Variants in CHRM5 observed in about 807,000 individuals in gnomAD.
CHRM5 encodes the protein muscarinic acetylcholine receptor M5.
A neutral mutation model predicts 39.0 loss-of-function variants in CHRM5; 18 were observed. The ratio of observed to expected loss-of-function variants is 0.46; its 90% CI spans 0.32 to 0.68. CHRM5 has a LOEUF of 0.68. Ranked by LOEUF, CHRM5 falls within the 30% of genes least tolerant of loss-of-function variation. The probability of loss-of-function intolerance (pLI) is 0.04; values close to 1 mark genes in which losing one functional copy is unlikely to be tolerated. For missense variants in CHRM5, 515 were observed against 651.1 expected, an observed-to-expected ratio of 0.79 and a Z score of 2.28; for synonymous variants, 241 against 246.3, an observed-to-expected ratio of 0.98 and a Z score of 0.20.
At chr15:33,986,161 C>T (rs1259844380) in intron 1 of CHRM5, among the ~76,000 whole-genome samples, 3 of 151,654 alleles carry the variant, frequency 2.0e-5, no homozygotes, top group Non-Finnish European at 2.9e-5. Context: ...GGCTGGAGTG[C>T]AGTGGCGCCA....
At chr15:34,062,572 A>AAAAAC (rs1900374803) in intron 2 of CHRM5, 71 bp from the exon 3 acceptor site, 2 of 657,258 alleles carry the variant, frequency 3.0e-6, no homozygotes, top group Non-Finnish European at 4.7e-6. Flanking sequence ...AAAAAAAAAA[A>AAAAAC]AACTATAAAC....
chr15:33,989,960 T>G (rs1896647386), intron 1 of CHRM5, among the ~76,000 whole-genome samples: 3 of 150,988 alleles, frequency 2.0e-5, no homozygotes, highest in African/African-American at 7.3e-5. Context: ...TCCCAGCACT[T>G]TGGGAGGCCA....
At position 34,062,977 on chromosome 15, in the gene CHRM5, A is replaced by T; in HGVS notation, c.260A>T (p.Tyr87Phe). ...LIIGIFSMNL[Y>F]TTYILMGRWA... is the part of the protein sequence containing the mutation. ...ATTGGAATCTTCTCCATGAACCTCT[A>T]CACCACCTACATCCTCATGGGACGC... Residue 87 changes from tyrosine (Y) to phenylalanine (F), a missense_variant, in exon 3 of 3, where the codon TAC becomes TTC. Tyr to Phe is a conservative substitution (Grantham distance 22, BLOSUM62 3). Transcript: ENST00000383263. The T allele has an allele frequency of 6.2e-7, 1 of 1,613,904 alleles. No homozygotes were observed. The highest frequency in any genetic ancestry group is 8.5e-7 in the Non-Finnish European group (1 of 1,179,962).
chr15:34,061,171 G>C, intron 2 of CHRM5, among the ~76,000 whole-genome samples: 1 of 152,136 alleles, frequency 6.6e-6, no homozygotes, highest in East Asian at 1.9e-4. Context: ...TGGGGAGCTT[G>C]CAAGCTTGGA....
At chr15:34,050,827 A>T (rs535622091) in intron 2 of CHRM5, among the ~76,000 whole-genome samples, 1 of 152,334 alleles carries the variant, frequency 6.6e-6, no homozygotes, top group Non-Finnish European at 1.5e-5. Context: ...TGCACCCAAT[A>T]CAGGAGCACC....
intron 1 of CHRM5, chr15:34,007,056 G>A (rs185492454): frequency 1.2e-4 from 122 of 984,240 alleles, no homozygotes; most frequent in Middle Eastern, 5.2e-4. Context: ...CCTGGACATC[G>A]GTCACTGGTT....
At chr15:33,992,475 CTTG>C (rs1250264906) in intron 1 of CHRM5, among the ~76,000 whole-genome samples, 5 of 152,078 alleles carry the variant, frequency 3.3e-5, no homozygotes, top group African/African-American at 1.2e-4. Context: ...CGGAGTTTTC[CTTG>C]TTTTTATTTT....
chr15:34,062,666 T>G lies in CHRM5; in HGVS notation c.-52T>G. On this transcript the variant is annotated 5_prime_UTR_variant, in exon 3 of 3. Coordinates refer to ENST00000383263, the MANE Select transcript of CHRM5 (RefSeq NM_012125.4). Reference sequence around the variant, plus strand: ...AGATGCTGGCCAAGAAGAGCTGAAATAGAAAACAGCCTAGAACCTAACACT... The same window carrying G: ...AGATGCTGGCCAAGAAGAGCTGAAAGAGAAAACAGCCTAGAACCTAACACT... The G allele has an allele frequency of 6.5e-7, 1 of 1,531,564 alleles. No individual in the cohort carries two copies. The highest frequency in any genetic ancestry group is 2.0e-5 in the Admixed American group (1 of 50,450). 94.9% of individuals were successfully genotyped at this position (1,531,564 alleles called of 1,614,324 possible). A position where few individuals can be genotyped will look rare whatever the true frequency, so the allele number is the denominator to read the frequency against.
At chr15:34,044,286 G>A (rs1899601446) in intron 1 of CHRM5, among the ~76,000 whole-genome samples, 1 of 152,068 alleles carries the variant, frequency 6.6e-6, no homozygotes, top group Admixed American at 6.6e-5. Flanking sequence ...AACTTAGCAA[G>A]TTTCACTGTG....
At chr15:33,984,556 T>C (rs959505869) in intron 1 of CHRM5, among the ~76,000 whole-genome samples, 1 of 152,054 alleles carries the variant, frequency 6.6e-6, no homozygotes, top group Non-Finnish European at 1.5e-5. Flanking sequence ...GCATGCTCCA[T>C]CACACCCGGC....
chr15:34,050,546 C>A (rs2140825455), intron 2 of CHRM5, among the ~76,000 whole-genome samples: 1 of 152,234 alleles, frequency 6.6e-6, no homozygotes, highest in Middle Eastern at 3.4e-3. Context: ...AATTAAAAGA[C>A]ACAGAATGAC....
intron 2 of CHRM5, among the ~76,000 whole-genome samples, chr15:34,057,376 G>A (rs1237348621): frequency 1.3e-5 from 2 of 150,718 alleles, no homozygotes; most frequent in South Asian, 2.1e-4. Context: ...TCTCTTTACC[G>A]CATGATCCAC....
At chr15:34,057,802 A>C (rs981465873) in intron 2 of CHRM5, among the ~76,000 whole-genome samples, 3 of 152,212 alleles carry the variant, frequency 2.0e-5, no homozygotes, top group Admixed American at 6.5e-5. Flanking sequence ...TTTCTAATAA[A>C]TTAATTAATG....
intron 2 of CHRM5, among the ~76,000 whole-genome samples, chr15:34,054,233 G>A (rs1900046212): frequency 1.3e-5 from 2 of 152,180 alleles, no homozygotes; most frequent in South Asian, 4.1e-4. Context: ...GCTGGTGGGA[G>A]TGTAAATTAG....
chr15:34,003,003 A>C (rs1897196797), intron 1 of CHRM5: 2 of 1,584,084 alleles, frequency 1.3e-6, no homozygotes, highest in Non-Finnish European at 1.7e-6. Flanking sequence ...CAGAGCACTA[A>C]ACAGTATGCA....
At chr15:33,985,745 T>C (rs1896415758) in intron 1 of CHRM5, among the ~76,000 whole-genome samples, 1 of 152,152 alleles carries the variant, frequency 6.6e-6, no homozygotes, top group African/African-American at 2.4e-5. Flanking sequence ...ATCTTGAGTT[T>C]GAAGCCAAAG....
At chr15:34,041,788 G>T (rs2702318) in intron 1 of CHRM5, among the ~76,000 whole-genome samples, 1 of 152,102 alleles carries the variant, frequency 6.6e-6, no homozygotes, top group Non-Finnish European at 1.5e-5. Flanking sequence ...TTACAGATAA[G>T]AAAACTGAGT....
In CHRM5 at chr15:34,063,128, A is replaced by G; in HGVS notation, c.411A>G (p.Thr137=). 6.2e-7 allele frequency: 1 copy of G among 1,614,124 alleles called. No homozygotes were observed. Among genetic ancestry groups the G allele is most frequent in the Non-Finnish European group, 8.5e-7 (1 of 1,180,018 alleles). The change falls in exon 3 of 3, where the codon ACA becomes ACG. Residue 137 remains threonine, a synonymous_variant. Coordinates refer to ENST00000383263, the MANE Select transcript of CHRM5 (RefSeq NM_012125.4). The surrounding 1 kb of genome is among the most constrained non-coding windows in gnomAD (Gnocchi z 4.1). ...ACTTTTCCATCACAAGACCCTTGAC[A>G]TATCGGGCCAAGCGTACTCCGAAAA... is the stretch of plus-strand genomic sequence containing the variant. ...DRYFSITRPL[T]YRAKRTPKRA... is the part of the protein sequence containing the mutation.
chr15:34,043,139 T>C (rs1193033200), intron 1 of CHRM5, among the ~76,000 whole-genome samples: 2 of 151,278 alleles, frequency 1.3e-5, no homozygotes, highest in Non-Finnish European at 2.9e-5. Flanking sequence ...CCCAGCTACT[T>C]GGGAGGCTGA....
Sources: gnomAD v4.1 joint callset for allele counts (sites outside exome capture counted in the v4.1 genomes callset) on GRCh38, gnomAD v4.1.1 for gene constraint, Gnocchi (gnomAD v3.1) non-coding constraint, MANE v1.5 for transcripts, NCBI Gene and HGNC (gene_info 2026-07-23, HGNC 2026-07-21) for gene names.